The following LCMT1 variants were observed in gnomAD, a reference collection of about 807,000 sequenced individuals.
LCMT1 encodes the protein [Phosphatase 2A protein]-leucine-carboxy methyltransferase 1.
Under a neutral mutation model 47.7 loss-of-function variants are expected in LCMT1, and 32 were observed. The observed-to-expected ratio is 0.67, with a 90% CI of 0.51 to 0.90. LCMT1 has a LOEUF of 0.90. LCMT1 is among the 40% of genes least tolerant of loss of function. LCMT1 has a pLI of 0.00. For synonymous variants in LCMT1, 152 were observed against 149.7 expected (o/e 1.02, Z -0.11); for missense variants, 375 against 415.2 (o/e 0.90, Z 0.84).
At position 25,160,320 on chromosome 16, in the gene LCMT1, T is replaced by A. The variant is rs1021196162; in HGVS notation, c.467-782T>A. ...TTGGGGTGGAGCCTATCAATCTGGT[T>A]TAGCACGCCACCCAGTTGATTCTGA... On this transcript the variant is annotated intron_variant, in intron 5 of 10. Coordinates refer to ENST00000399069, the MANE Select transcript of LCMT1 (RefSeq NM_016309.3). Among the ~76,000 whole-genome samples the A allele has an allele frequency of 3.0e-3, 433 of 144,454 alleles. 2 individuals are homozygous for A. Among genetic ancestry groups the A allele is most frequent in the Non-Finnish European group, 3.4e-3 (224 of 65,586 alleles). The allele number at this position is 144,454 out of a possible 152,430, so 94.8% of individuals were successfully genotyped here.
Position 25,112,050 on chromosome 16 carries a change from G to A in LCMT1, c.113+54G>A, listed in dbSNP as rs969898110. 5 of 1,201,618 alleles carry A rather than the reference G, an allele frequency of 4.2e-6. No individual in the cohort carries two copies. In the Admixed American group the frequency reaches 7.1e-5, roughly 17 times the overall value. 74.4% of individuals were successfully genotyped at this position (1,201,618 alleles called of 1,614,324 possible). A position where few individuals can be genotyped will look rare whatever the true frequency, so the allele number is the denominator to read the frequency against. On this transcript the variant is annotated intron_variant, in intron 1 of 10. Coordinates refer to ENST00000399069, the MANE Select transcript of LCMT1 (RefSeq NM_016309.3). Reference sequence around the variant, plus strand: ...GGCATCTGGGGCGCGGGCCTAGGTGGGAGGTGGGCCTGCATCTGAAGAATA... The same window carrying A: ...GGCATCTGGGGCGCGGGCCTAGGTGAGAGGTGGGCCTGCATCTGAAGAATA...
Position 25,161,110 on chromosome 16 carries a change from A to G in LCMT1, c.475A>G (p.Ile159Val), listed in dbSNP as rs1377092065. The G allele has an allele frequency of 6.2e-7, 1 of 1,602,914 alleles. No homozygotes were observed. Among genetic ancestry groups the G allele is most frequent in the South Asian group, 1.1e-5 (1 of 89,528 alleles). The change falls in exon 6 of 11, where the codon ATA becomes GTA. Residue 159 changes from isoleucine (I) to valine (V), a missense_variant. Coordinates refer to ENST00000399069, the MANE Select transcript of LCMT1 (RefSeq NM_016309.3). The stretch of plus-strand genomic sequence containing the variant: ...TCTGATTGCATTTGCAGATGGACAC[A>G]TACTGGATTCAAAGAGATATGCCGT... ...SEDTLQMDGH[I>V]LDSKRYAVIG...
chr16:25,120,922 ATTTTT>A (rs56817833), intron 1 of LCMT1, among the ~76,000 whole-genome samples: 1 of 97,402 alleles, frequency 1.0e-5, no homozygotes, highest in Non-Finnish European at 2.1e-5. Flanking sequence ...CTGATTTTGT[ATTTTT>A]TTTTTTTTTT....
intron 1 of LCMT1, among the ~76,000 whole-genome samples, chr16:25,123,672 A>G (rs1171944922): frequency 2.3e-5 from 3 of 132,922 alleles, no homozygotes; most frequent in African/African-American, 9.1e-5. Flanking sequence ...CAGTGGCGCA[A>G]TCTTGGCTCA....
At chr16:25,154,891 A>G (rs1306176750) in intron 5 of LCMT1, among the ~76,000 whole-genome samples, 1 of 151,642 alleles carries the variant, frequency 6.6e-6, no homozygotes, top group South Asian at 2.1e-4. Flanking sequence ...TGAATTTTTT[A>G]CTCTGGTTCT....
intron 3 of LCMT1, among the ~76,000 whole-genome samples, chr16:25,138,103 G>A (rs1377429390): frequency 6.6e-6 from 1 of 152,178 alleles, no homozygotes; most frequent in East Asian, 1.9e-4. Flanking sequence ...GCCATCACCA[G>A]GTTCTGGATG....
chr16:25,140,315 G>A (rs749573894), intron 4 of LCMT1, 68 bp downstream of exon 4: 10 of 1,179,954 alleles, frequency 8.5e-6, no homozygotes, highest in East Asian at 2.5e-5. Flanking sequence ...AGAGATGGCA[G>A]ATCTGAATGC....
At chr16:25,168,966 G>A (rs139211189) in intron 7 of LCMT1, 146 bp from the exon 8 acceptor site, 39 of 625,056 alleles carry the variant, frequency 6.2e-5, no homozygotes, top group East Asian at 4.2e-4. Context: ...GCACCGTGCT[G>A]GTGCCCGCCC....
chr16:25,154,648 G>A (rs982167559), intron 5 of LCMT1, among the ~76,000 whole-genome samples: 4 of 151,680 alleles, frequency 2.6e-5, no homozygotes, highest in African/African-American at 4.8e-5. Flanking sequence ...CACCACGCCC[G>A]GCTAATTTTT....
chr16:25,114,280 G>A (rs536920394), intron 1 of LCMT1, among the ~76,000 whole-genome samples: 1 of 152,274 alleles, frequency 6.6e-6, no homozygotes, highest in East Asian at 1.9e-4. Context: ...TGTCTCAGAG[G>A]ATTGCTGTGC....
chr16:25,134,140 C>T (rs1359381821), intron 3 of LCMT1, among the ~76,000 whole-genome samples: 1 of 150,818 alleles, frequency 6.6e-6, no homozygotes, highest in Non-Finnish European at 1.5e-5. Flanking sequence ...GTAATGGGAA[C>T]GTGCATTTCT....
At chr16:25,169,315 G>T (rs935276822) in intron 8 of LCMT1, 102 bp downstream of exon 8, 20 of 767,748 alleles carry the variant, frequency 2.6e-5, no homozygotes, top group Non-Finnish European at 4.0e-5. Context: ...CCTGTTCAGT[G>T]CCTGTCAGCA....
chr16:25,166,950 C>T (rs1961607355), intron 7 of LCMT1, among the ~76,000 whole-genome samples: 1 of 152,244 alleles, frequency 6.6e-6, no homozygotes, highest in Non-Finnish European at 1.5e-5. Flanking sequence ...ATAACCACAT[C>T]TGGGGAAACA....
At chr16:25,152,820 G>A (rs937156488) in intron 5 of LCMT1, among the ~76,000 whole-genome samples, 5 of 152,040 alleles carry the variant, frequency 3.3e-5, no homozygotes, top group East Asian at 3.8e-4. Flanking sequence ...AATTTTCTCC[G>A]TTTTTTCCCT....
intron 10 of LCMT1, among the ~76,000 whole-genome samples, chr16:25,175,537 C>T (rs1567331600): frequency 6.6e-6 from 1 of 151,750 alleles, no homozygotes; most frequent in Admixed American, 6.6e-5. Flanking sequence ...GAGGCTGAGG[C>T]AGGAGAATCA....
At chr16:25,169,981 A>T (rs1302161313) in intron 8 of LCMT1, among the ~76,000 whole-genome samples, 1 of 151,964 alleles carries the variant, frequency 6.6e-6, no homozygotes, top group African/African-American at 2.4e-5. Flanking sequence ...GCACTTTGGG[A>T]TGCTGAGGCG....
Position 25,166,242 on chromosome 16 carries a change from C to T in LCMT1, c.690+1524C>T, listed in dbSNP as rs117127311. 3.8e-3 allele frequency among the ~76,000 whole-genome samples: 567 copies of T among 150,094 alleles called. 4 individuals carry two copies. The highest frequency in any genetic ancestry group is 6.6e-3 in the Non-Finnish European group (443 of 67,600). Reference sequence around the variant, plus strand: ...CCGAGACTGCACCACTACACTCCAGCCTGAGTGACCGAGCGAGACGCCATC... The same window carrying T: ...CCGAGACTGCACCACTACACTCCAGTCTGAGTGACCGAGCGAGACGCCATC... On this transcript the variant is annotated intron_variant, in intron 7 of 10. Transcript: ENST00000399069.
intron 3 of LCMT1, among the ~76,000 whole-genome samples, chr16:25,133,527 T>G (rs1369583968): frequency 6.7e-6 from 1 of 148,548 alleles, no homozygotes. Context: ...GCCTCCTGAA[T>G]AGCTTGGACT....
chr16:25,137,672 G>A (rs1399111069), intron 3 of LCMT1, among the ~76,000 whole-genome samples: 2 of 151,962 alleles, frequency 1.3e-5, no homozygotes, highest in Non-Finnish European at 2.9e-5. Context: ...TCGAACTTCT[G>A]GGCTCACGCA....
Sources: allele counts gnomAD v4.1 joint callset (sites outside exome capture counted in the v4.1 genomes callset), GRCh38; gene constraint gnomAD v4.1.1; transcripts MANE v1.5; gene names NCBI Gene and HGNC (gene_info 2026-07-23, HGNC 2026-07-21).